ADCY10: variants seen among roughly 807,000 people sequenced by gnomAD.
ADCY10 encodes adenylate cyclase type 10.
ADCY10 carries 156 observed loss-of-function variants against 183.3 expected under a neutral mutation model. The ratio of observed to expected loss-of-function variants is 0.85; its 90% CI spans 0.75 to 0.97. The LOEUF (loss-of-function observed/expected upper bound fraction) is 0.97. Ranked by LOEUF, ADCY10 falls within the 50% of genes least tolerant of loss-of-function variation. The pLI, the probability that ADCY10 is intolerant of heterozygous loss-of-function variation, is 0.00. For synonymous variants in ADCY10, 645 were observed against 670.0 expected (o/e 0.96, Z 0.58); for missense variants, 1,745 against 1,934.3 (o/e 0.90, Z 1.84).
intron 31 of ADCY10, among the ~76,000 whole-genome samples, chr1:167,814,282 T>C (rs1571202098): frequency 6.6e-6 from 1 of 152,014 alleles, no homozygotes; most frequent in East Asian, 1.9e-4. Context: ...AAAAGATACT[T>C]TATACAAATA....
At chr1:167,848,556 T>A in intron 18 of ADCY10, 67 bp from the exon 19 acceptor site, 2 of 1,592,792 alleles carry the variant, frequency 1.3e-6, no homozygotes, top group Non-Finnish European at 1.7e-6. Context: ...GATTTTCCAA[T>A]GAACTTTGAG....
At chr1:167,854,297 T>C in intron 18 of ADCY10, 56 bp downstream of exon 18, 5 of 1,612,426 alleles carry the variant, frequency 3.1e-6, no homozygotes, top group Non-Finnish European at 4.2e-6. Context: ...CTTCTCTGAA[T>C]GAAGACTTAA....
At chr1:167,888,658 C>T (rs1668389126) in intron 8 of ADCY10, among the ~76,000 whole-genome samples, 1 of 151,904 alleles carries the variant, frequency 6.6e-6, no homozygotes, top group South Asian at 2.1e-4. Flanking sequence ...GGGCGGATCA[C>T]GAGGTCAGGA....
At chr1:167,864,184 C>T (rs1259988159) in intron 14 of ADCY10, among the ~76,000 whole-genome samples, 3 of 152,082 alleles carry the variant, frequency 2.0e-5, no homozygotes, top group African/African-American at 7.2e-5. Flanking sequence ...GTGTGCGTGC[C>T]CTTTTTACCC....
Position 167,901,812 on chromosome 1 carries a change from A to T in ADCY10, c.293-7T>A, listed in dbSNP as rs1018547912. 3.1e-6 allele frequency: 5 copies of T among 1,614,094 alleles called. No homozygotes were observed. The African/African-American group carries it at 6.7e-5, about 22-fold the overall frequency. The stretch of plus-strand genomic sequence containing the variant: ...AGGGCTAGCAGTGCATCACCTTCAG[A>T]GAGAGACATGCCGCGGGCTTTTGAC... On this transcript the variant is annotated splice_region_variant and splice_polypyrimidine_tract_variant and intron_variant, in intron 4 of 32. Coordinates refer to ENST00000367851, the MANE Select transcript of ADCY10 (RefSeq NM_018417.6).
intron 17 of ADCY10, among the ~76,000 whole-genome samples, chr1:167,855,489 T>A (rs1275653198): frequency 1.3e-5 from 2 of 152,198 alleles, no homozygotes; most frequent in African/African-American, 4.8e-5. Flanking sequence ...GGTAAGACCT[T>A]GCTTAGTGGC....
At chr1:167,862,609 C>T (rs1045468623) in intron 14 of ADCY10, among the ~76,000 whole-genome samples, 2 of 152,090 alleles carry the variant, frequency 1.3e-5, no homozygotes, top group African/African-American at 2.4e-5. Flanking sequence ...ACAGAGGCCC[C>T]GGCTAGTGAA....
intron 14 of ADCY10, among the ~76,000 whole-genome samples, chr1:167,862,899 C>T (rs1219159761): frequency 6.6e-6 from 1 of 152,130 alleles, no homozygotes; most frequent in Non-Finnish European, 1.5e-5. Context: ...TTATTGAATA[C>T]CATACTATCT....
Position 167,901,746 on chromosome 1 carries a change from C to T in ADCY10, c.352G>A (p.Val118Met), listed in dbSNP as rs1246073081. 1 of 1,614,208 alleles carries T rather than the reference C, an allele frequency of 6.2e-7. No individual in the cohort carries two copies. Residue 118 changes from valine to methionine, a missense_variant, in exon 5 of 33, where the codon GTG becomes ATG. Val to Met is a conservative substitution (Grantham distance 21, BLOSUM62 1). Transcript: ENST00000367851. The part of the protein sequence containing the change: ...ERKQLKNIIT[V>M]VIKCSLEIHG... ...ATCTCCAGGCTACATTTAATTACCA[C>T]TGTGATAATGTTTTTCAGCTGCTTT...
rs534458617 is a variant in ADCY10, at chr1:167,912,093, T to G, written c.-59+1883A>C. On this transcript the variant is annotated intron_variant, in intron 1 of 32. Coordinates refer to ENST00000367851, the MANE Select transcript of ADCY10 (RefSeq NM_018417.6). ...AAGTTCTGCAACATCACAAAATGAT[T>G]AGTGATAGCTGTATTTACCTTTCTA... 5.3e-5 allele frequency among the ~76,000 whole-genome samples: 8 copies of G among 152,370 alleles called. No homozygotes were observed. The East Asian group carries it at 9.6e-4, about 18-fold the overall frequency.
chr1:167,836,655 C>T (rs964038933), intron 22 of ADCY10, 115 bp from the exon 23 acceptor site: 22 of 743,276 alleles, frequency 3.0e-5, no homozygotes, highest in Middle Eastern at 7.4e-4. Context: ...TTTGGGAGGC[C>T]GAAGCTGGTG....
intron 21 of ADCY10, 91 bp downstream of exon 21, chr1:167,845,463 TGAGACTTGA>T: frequency 7.8e-7 from 1 of 1,280,752 alleles, no homozygotes; most frequent in Non-Finnish European, 1.1e-6. Flanking sequence ...AAGCCGCTTA[TGAGACTTGA>T]AGCCCTCAAG....
At chr1:167,898,546 C>A (rs941784808) in intron 6 of ADCY10, among the ~76,000 whole-genome samples, 12 of 151,102 alleles carry the variant, frequency 7.9e-5, no homozygotes, top group Non-Finnish European at 1.8e-4. Flanking sequence ...TTGCAGTGAG[C>A]CGAGATCACG....
intron 2 of ADCY10, 87 bp downstream of exon 2, chr1:167,904,906 C>T (rs1411108149): frequency 1.9e-6 from 3 of 1,588,264 alleles, no homozygotes; most frequent in Non-Finnish European, 2.6e-6. Context: ...AGAATGGCCT[C>T]CCTACTCTGC....
At chr1:167,834,112 T>A in intron 23 of ADCY10, 35 bp from the exon 24 acceptor site, 1 of 1,536,952 alleles carries the variant, frequency 6.5e-7, no homozygotes, top group Non-Finnish European at 9.0e-7. Flanking sequence ...AAGTGTTGAT[T>A]CAGCAGGGAT....
At chr1:167,813,998 G>A (rs1662369833) in intron 31 of ADCY10, among the ~76,000 whole-genome samples, 1 of 151,954 alleles carries the variant, frequency 6.6e-6, no homozygotes, top group African/African-American at 2.4e-5. Flanking sequence ...AGAAAATGGG[G>A]AAAGAACTTA....
chr1:167,908,061 G>A (rs203778), intron 1 of ADCY10, among the ~76,000 whole-genome samples: 9 of 152,150 alleles, frequency 5.9e-5, no homozygotes, highest in African/African-American at 2.2e-4. Flanking sequence ...CCACATCTGG[G>A]TATATACCCA....
At position 167,810,451 on chromosome 1, in the gene ADCY10, C is replaced by T. The variant is rs147345244; in HGVS notation, c.4671+274G>A. 5.2e-4 allele frequency among the ~76,000 whole-genome samples: 79 copies of T among 152,214 alleles called. No individual in the cohort carries two copies. The East Asian group carries it at 0.012, about 24-fold the overall frequency. On this transcript the variant is annotated intron_variant, in intron 32 of 32. Coordinates refer to ENST00000367851, the MANE Select transcript of ADCY10 (RefSeq NM_018417.6). ...GCCCTCATAAAAGGGCTGGAGGGAG[C>T]AAATTTTCTTTTTCCATCCTTTTGA...
chr1:167,909,930 GCC>G (rs1670044315), intron 1 of ADCY10, among the ~76,000 whole-genome samples: 2 of 149,578 alleles, frequency 1.3e-5, no homozygotes, highest in Non-Finnish European at 2.9e-5. Context: ...ACCAGCCGGC[GCC>G]ACTGATGACC....
Sources: allele counts gnomAD v4.1 joint callset (sites outside exome capture counted in the v4.1 genomes callset), GRCh38; gene constraint gnomAD v4.1.1; transcripts MANE v1.5; gene names NCBI Gene and HGNC (gene_info 2026-07-23, HGNC 2026-07-21).